Variants in SDCCAG8 observed in about 807,000 individuals in gnomAD.
SDCCAG8 encodes serologically defined colon cancer antigen 8.
Under a neutral mutation model 101.8 loss-of-function variants are expected in SDCCAG8, and 74 were observed. The observed-to-expected ratio is 0.73, with a 90% confidence interval of 0.60 to 0.88. The LOEUF (loss-of-function observed/expected upper bound fraction) is 0.88, where lower values mean the gene tolerates loss of function less well. Ranked by LOEUF, SDCCAG8 falls within the 40% of genes least tolerant of loss-of-function variation. The pLI, the probability that SDCCAG8 is intolerant of heterozygous loss-of-function variation, is 0.00. For synonymous variants in SDCCAG8, 281 were observed against 292.9 expected (o/e 0.96, Z 0.41); for missense variants, 787 against 822.6 (o/e 0.96, Z 0.53).
At chr1:243,272,029 C>T (rs911958941) in intron 3 of SDCCAG8, among the ~76,000 whole-genome samples, 1 of 152,136 alleles carries the variant, frequency 6.6e-6, no homozygotes, top group African/African-American at 2.4e-5. Flanking sequence ...AGTGAAAGCA[C>T]TCTGGACCAG....
At chr1:243,365,069 G>A (rs2076924698) in intron 12 of SDCCAG8, among the ~76,000 whole-genome samples, 1 of 152,172 alleles carries the variant, frequency 6.6e-6, no homozygotes, top group African/African-American at 2.4e-5. Context: ...AGTTAGCGTT[G>A]TGGCTTGGCA....
intron 13 of SDCCAG8, 114 bp from the exon 14 acceptor site, chr1:243,415,588 C>A: frequency 2.1e-6 from 3 of 1,455,996 alleles, no homozygotes; most frequent in South Asian, 1.1e-5. Flanking sequence ...AGGTCCTTGT[C>A]TTCTTATGCT....
At chr1:243,453,747 C>A (rs192524494) in intron 16 of SDCCAG8, among the ~76,000 whole-genome samples, 1 of 152,228 alleles carries the variant, frequency 6.6e-6, no homozygotes, top group African/African-American at 2.4e-5. Context: ...GCCAGTAATC[C>A]AAATTTTATT....
chr1:243,363,342 C>T (rs2076824536), intron 12 of SDCCAG8, among the ~76,000 whole-genome samples: 1 of 152,086 alleles, frequency 6.6e-6, no homozygotes, highest in Non-Finnish European at 1.5e-5. Context: ...GCCTAGATAC[C>T]GATGAACCAT....
At chr1:243,282,063 A>C (rs1000269619) in intron 4 of SDCCAG8, among the ~76,000 whole-genome samples, 16 of 152,128 alleles carry the variant, frequency 1.1e-4, no homozygotes, top group Non-Finnish European at 1.8e-4. Context: ...GGCCCACTGC[A>C]ACCTCTGCCT....
At chr1:243,490,910 G>A (rs1372493004) in intron 17 of SDCCAG8, among the ~76,000 whole-genome samples, 1 of 152,232 alleles carries the variant, frequency 6.6e-6, no homozygotes, top group Non-Finnish European at 1.5e-5. Flanking sequence ...CTTTAGGCCT[G>A]GCCAGCCAAA....
rs1186928716 is a variant in SDCCAG8 at position 243,458,686 on chromosome 1, G to C, written c.1986-30328G>C. Among the ~76,000 whole-genome samples the C allele has an allele frequency of 6.6e-6, 1 of 152,206 alleles. No homozygotes were observed. Among genetic ancestry groups the C allele is most frequent in the Non-Finnish European group, 1.5e-5 (1 of 68,028 alleles). On this transcript the variant is annotated intron_variant, in intron 16 of 17. Transcript: ENST00000366541. This position sits in a 1 kb window ranked among gnomAD's most constrained non-coding sequence, Gnocchi z 4.5. Reference sequence around the variant, plus strand: ...TGGGCAGTGTGGCTGCCAATTCTGGGAAGAAGGGATGCTGATTTGAAGAAT... The same window carrying C: ...TGGGCAGTGTGGCTGCCAATTCTGGCAAGAAGGGATGCTGATTTGAAGAAT...
At chr1:243,441,618 G>A (rs2082539404) in intron 16 of SDCCAG8, among the ~76,000 whole-genome samples, 2 of 152,046 alleles carry the variant, frequency 1.3e-5, no homozygotes, top group African/African-American at 4.8e-5. Flanking sequence ...ACTAATTAGG[G>A]AACAAAGAAT....
At chr1:243,370,675 A>G (rs1487604305) in intron 12 of SDCCAG8, among the ~76,000 whole-genome samples, 3 of 152,108 alleles carry the variant, frequency 2.0e-5, no homozygotes, top group East Asian at 1.9e-4. Context: ...CTTTCTTGCC[A>G]TAGTTCCATT....
chr1:243,288,948 A>G (rs1358455961), intron 5 of SDCCAG8, among the ~76,000 whole-genome samples: 1 of 151,414 alleles, frequency 6.6e-6, no homozygotes, highest in East Asian at 1.9e-4. Context: ...CAGAGCTTGC[A>G]GTGAGCTGAG....
At chr1:243,294,292 T>C (rs1171449020) in intron 6 of SDCCAG8, among the ~76,000 whole-genome samples, 1 of 152,194 alleles carries the variant, frequency 6.6e-6, no homozygotes, top group East Asian at 1.9e-4. Context: ...TTATTTTACT[T>C]TTGAAGGCTG....
Position 243,499,834 on chromosome 1 carries a change from T to C in SDCCAG8, c.*49T>C. The C allele has an allele frequency of 3.2e-6, 5 of 1,576,816 alleles. No individual in the cohort carries two copies. The highest frequency in any genetic ancestry group is 4.4e-6 in the Non-Finnish European group (5 of 1,148,374). ...AATGATTTACAAAGAGATATTTACATTCATCTGGTTTAGACTTAATATGCC... is the reference window on the plus strand; with the variant it reads ...AATGATTTACAAAGAGATATTTACACTCATCTGGTTTAGACTTAATATGCC... On this transcript the variant is annotated 3_prime_UTR_variant, in exon 18 of 18. Transcript: ENST00000366541.
chr1:243,440,043 T>C (rs531500207), intron 16 of SDCCAG8, among the ~76,000 whole-genome samples: 24 of 152,338 alleles, frequency 1.6e-4, no homozygotes, highest in Non-Finnish European at 2.2e-4. Flanking sequence ...GTTAATGATA[T>C]GCAGTTTCCG....
chr1:243,461,489 T>A (rs1300293354), intron 16 of SDCCAG8, among the ~76,000 whole-genome samples: 3 of 152,188 alleles, frequency 2.0e-5, no homozygotes, highest in Non-Finnish European at 4.4e-5. Flanking sequence ...ACCAGTTCCT[T>A]GTAACTGTAT....
At chr1:243,290,210 C>CGAT (rs1558241297) in intron 5 of SDCCAG8, among the ~76,000 whole-genome samples, 19 of 150,820 alleles carry the variant, frequency 1.3e-4, no homozygotes, top group South Asian at 6.4e-4. Flanking sequence ...CTCCCGCCCC[C>CGAT]CGATCCCCTG....
In SDCCAG8 at chr1:243,474,687, A is replaced by G. The variant is rs532796942; in HGVS notation, c.1986-14327A>G. On this transcript the variant is annotated intron_variant, in intron 16 of 17. Coordinates refer to ENST00000366541, the MANE Select transcript of SDCCAG8 (RefSeq NM_006642.5). The surrounding 1 kb of genome is among the most constrained non-coding windows in gnomAD (Gnocchi z 4.7). ...TGCGGTCTGTTCCACCTGCAGAGGC[A>G]CAATTGCCCAGCGTGGGGTGGAAGG... 6.6e-6 allele frequency among the ~76,000 whole-genome samples: 1 copy of G among 152,290 alleles called. No homozygotes were observed. The highest frequency in any genetic ancestry group is 2.1e-4 in the South Asian group (1 of 4,824).
intron 1 of SDCCAG8, chr1:243,268,005 CCTT>C (rs2067771036): frequency 1.3e-6 from 1 of 779,520 alleles, no homozygotes; most frequent in East Asian, 2.4e-5. Flanking sequence ...GCGCTGGGAT[CCTT>C]CTTTTCTTTC....
chr1:243,302,509 G>C (rs576289650), intron 6 of SDCCAG8, among the ~76,000 whole-genome samples: 1 of 152,222 alleles, frequency 6.6e-6, no homozygotes, highest in Admixed American at 6.5e-5. Flanking sequence ...AGACTTGAAG[G>C]GAAAAGATAA....
chr1:243,395,682 T>C (rs2078992464), intron 13 of SDCCAG8, among the ~76,000 whole-genome samples: 1 of 152,138 alleles, frequency 6.6e-6, no homozygotes, highest in Non-Finnish European at 1.5e-5. Context: ...TTGATTTTGT[T>C]TCTGTTTTTA....
Sources: allele counts gnomAD v4.1 joint callset (sites outside exome capture counted in the v4.1 genomes callset), GRCh38; gene constraint gnomAD v4.1.1; non-coding constraint Gnocchi (gnomAD v3.1); transcripts MANE v1.5; gene names NCBI Gene and HGNC (gene_info 2026-07-23, HGNC 2026-07-21).